The following RTN4 variants were observed in gnomAD, a reference collection of about 807,000 sequenced individuals.
RTN4 encodes reticulon-4.
In RTN4, 32 loss-of-function variants were observed where a neutral mutation model predicts 90.4. The ratio of observed to expected loss-of-function variants is 0.35; its 90% CI spans 0.27 to 0.48. The LOEUF (loss-of-function observed/expected upper bound fraction) is 0.48, where lower values mean the gene tolerates loss of function less well. Among genes scored for constraint, RTN4 ranks in the 20% least tolerant of loss-of-function variants. RTN4 has a pLI of 0.99. For synonymous variants in RTN4, 629 were observed against 552.5 expected (o/e 1.14, Z -1.94); for missense variants, 1,706 against 1,430.2 (o/e 1.19, Z -3.11).
chr2:55,107,493 G>A (rs1240910043), intron 1 of RTN4, among the ~76,000 whole-genome samples: 2 of 151,946 alleles, frequency 1.3e-5, no homozygotes, highest in African/African-American at 2.4e-5. Context: ...TTCTCACAGG[G>A]GAAGGCAGAA....
chr2:55,018,288 T>C (rs760563424), intron 3 of RTN4, among the ~76,000 whole-genome samples: 1 of 152,130 alleles, frequency 6.6e-6, no homozygotes, highest in Non-Finnish European at 1.5e-5. Flanking sequence ...TTCTCAACAC[T>C]TTAAAATTCT....
rs1201568345 is a variant in RTN4 at position 55,050,028 on chromosome 2, C to T, written c.273G>A (p.Arg91=). Residue 91 remains arginine, a synonymous_variant, in exon 1 of 9, where the codon CGG becomes CGA. Transcript: ENST00000337526. This position sits in a 1 kb window ranked among gnomAD's most constrained non-coding sequence, Gnocchi z 4.6. ...CGGGGGGAGCGGCCGGCAGGGGTCC[C>T]CGGGGCGCCGGCGGCACGAAGTCAT... ...FGNDFVPPAP[R]GPLPAAPPVA... 1.4e-6 allele frequency: 2 copies of T among 1,394,336 alleles called. No homozygotes were observed. The highest frequency in any genetic ancestry group is 2.9e-5 in the East Asian group (1 of 34,054). 86.4% of individuals were successfully genotyped at this position (1,394,336 alleles called of 1,614,324 possible).
intron 1 of RTN4, among the ~76,000 whole-genome samples, chr2:55,110,499 T>G (rs980199816): frequency 6.6e-6 from 1 of 152,074 alleles, no homozygotes; most frequent in Non-Finnish European, 1.5e-5. Context: ...AGGAATACCC[T>G]ATGACATATC....
At chr2:55,115,601 C>T (rs1455659476), upstream of RTN4, among the ~76,000 whole-genome samples, 1 of 152,204 alleles carries the variant, frequency 6.6e-6, no homozygotes, top group Non-Finnish European at 1.5e-5. Context: ...CTGGGGTCCA[C>T]CCCCGTCTTA....
chr2:55,000,588 T>C (rs1377838970), intron 3 of RTN4, among the ~76,000 whole-genome samples: 1 of 152,182 alleles, frequency 6.6e-6, no homozygotes, highest in African/African-American at 2.4e-5. Context: ...TTACCTCGAA[T>C]CCATAACAAC....
chr2:54,972,208 ATTGATACT>A lies in RTN4; in HGVS notation c.*940_*947del, dbSNP rs1677080456. On this transcript the variant is annotated 3_prime_UTR_variant, in exon 9 of 9. Coordinates refer to ENST00000337526, the MANE Select transcript of RTN4 (RefSeq NM_020532.5). ...AGCATATTTTAAGTCTATAAGCTTT[ATTGATACT>A]TTGCTTTTACAGTTCACAATGCATT... 6.6e-6 allele frequency: 1 copy of A among 152,640 alleles called. No individual in the cohort carries two copies. The highest frequency in any genetic ancestry group is 2.1e-4 in the South Asian group (1 of 4,838). The allele number at this position is 152,640 out of a possible 1,614,324, so 9.5% of individuals were successfully genotyped here. A position where few individuals can be genotyped will look rare whatever the true frequency, so the allele number is the denominator to read the frequency against.
Position 55,025,745 on chromosome 2 carries a change from T to C in RTN4, c.2354A>G (p.Lys785Arg). The change falls in exon 3 of 9, where the codon AAG (lysine) becomes AGG (arginine). Residue 785 changes from lysine (K) to arginine (R), a missense_variant. Lys to Arg is a conservative substitution (Grantham distance 26, BLOSUM62 2). Coordinates refer to ENST00000337526, the MANE Select transcript of RTN4 (RefSeq NM_020532.5). The part of the protein sequence containing the change: ...SFESMIEYEN[K>R]EKLSALPPEG... ...AGGTGGCAAAGCACTGAGTTTTTCC[T>C]TATTTTCATATTCTATCATTGACTC... 6.2e-7 allele frequency: 1 copy of C among 1,613,564 alleles called. No homozygotes were observed. Among genetic ancestry groups the C allele is most frequent in the Non-Finnish European group, 8.5e-7 (1 of 1,179,768 alleles).
intron 1 of RTN4, among the ~76,000 whole-genome samples, chr2:55,034,439 C>T (rs1682540567): frequency 6.6e-6 from 1 of 152,090 alleles, no homozygotes; most frequent in African/African-American, 2.4e-5. Flanking sequence ...GAGTTTGAGG[C>T]TGCAGTGGGT....
At chr2:55,073,735 A>C (rs528893273) in intron 2 of RTN4, among the ~76,000 whole-genome samples, 2 of 152,392 alleles carry the variant, frequency 1.3e-5, no homozygotes, top group South Asian at 4.1e-4. Context: ...CTATGCACTG[A>C]AAATTTCAAT....
At chr2:55,132,662 A>C in the RTN4 span, among the ~76,000 whole-genome samples, 1 of 151,812 alleles carries the variant, frequency 6.6e-6, no homozygotes, top group Non-Finnish European at 1.5e-5. Context: ...AAATACAAAA[A>C]TTAGCCGGGC....
intron 5 of RTN4, among the ~76,000 whole-genome samples, chr2:54,980,395 A>C (rs1370403417): frequency 3.3e-5 from 5 of 152,236 alleles, no homozygotes; most frequent in African/African-American, 1.2e-4. Flanking sequence ...TGAAAGAATA[A>C]ATAAGTTTTC....
At chr2:55,120,757 G>A in the RTN4 span, among the ~76,000 whole-genome samples, 20 of 152,070 alleles carry the variant, frequency 1.3e-4, no homozygotes, top group Non-Finnish European at 2.1e-4. Flanking sequence ...GGCAGGGCTC[G>A]GGCGGGCTGT....
chr2:55,015,791 G>A (rs1006322149), intron 3 of RTN4, among the ~76,000 whole-genome samples: 1 of 152,216 alleles, frequency 6.6e-6, no homozygotes, highest in African/African-American at 2.4e-5. Flanking sequence ...AGGAAGAAGT[G>A]TGACTGTCAC....
intron 1 of RTN4, among the ~76,000 whole-genome samples, chr2:55,046,248 T>C (rs1001779560): frequency 6.6e-6 from 1 of 152,246 alleles, no homozygotes; most frequent in Non-Finnish European, 1.5e-5. Context: ...CTTATTTTAG[T>C]TCCAAAATCA....
intron 3 of RTN4, among the ~76,000 whole-genome samples, chr2:54,988,296 G>T (rs1487062406): frequency 6.6e-6 from 1 of 152,162 alleles, no homozygotes; most frequent in Non-Finnish European, 1.5e-5. Flanking sequence ...CAGAATGGGC[G>T]ACAGAGCAGG....
intron 1 of RTN4, among the ~76,000 whole-genome samples, chr2:55,035,731 G>A (rs1233349408): frequency 6.6e-6 from 1 of 152,006 alleles, no homozygotes; most frequent in African/African-American, 2.4e-5. Context: ...GAGAGAGGAA[G>A]CAAGTATTGA....
chr2:54,997,694 A>C (rs192045172), intron 3 of RTN4, among the ~76,000 whole-genome samples: 1 of 152,328 alleles, frequency 6.6e-6, no homozygotes, highest in East Asian at 1.9e-4. Flanking sequence ...GAAGTGCAGT[A>C]GTCCTCCCTT....
In RTN4 at chr2:54,973,802, C is replaced by T. The variant is rs200805876; in HGVS notation, c.3477+19G>A. 6.2e-7 allele frequency: 1 copy of T among 1,609,492 alleles called. No individual in the cohort carries two copies. Among genetic ancestry groups the T allele is most frequent in the Non-Finnish European group, 8.5e-7 (1 of 1,176,578 alleles). ...AGTGAGTGCTCTATTCTGAAGTCAG[C>T]AGTTAGTTAGGAAATTACCTGATGC... On this transcript the variant is annotated intron_variant, in intron 7 of 8. Coordinates refer to ENST00000337526, the MANE Select transcript of RTN4 (RefSeq NM_020532.5).
At chr2:55,018,554 T>C (rs1448333458) in intron 3 of RTN4, among the ~76,000 whole-genome samples, 2 of 151,768 alleles carry the variant, frequency 1.3e-5, no homozygotes, top group African/African-American at 4.8e-5. Flanking sequence ...TATAGTGATA[T>C]GAAAAAAGCA....
Sources: gnomAD v4.1 joint callset for allele counts (sites outside exome capture counted in the v4.1 genomes callset) on GRCh38, gnomAD v4.1.1 for gene constraint, Gnocchi (gnomAD v3.1) non-coding constraint, MANE v1.5 for transcripts, NCBI Gene and HGNC (gene_info 2026-07-23, HGNC 2026-07-21) for gene names.